KLHL15: variants seen among roughly 807,000 people sequenced by gnomAD.
KLHL15 encodes the protein kelch-like protein 15.
Under a neutral mutation model 29.3 loss-of-function variants are expected in KLHL15, and 1 was observed. The ratio of observed to expected loss-of-function variants is 0.03; its 90% CI spans 0.01 to 0.16. KLHL15 has a LOEUF of 0.16. Among genes scored for constraint, KLHL15 ranks in the 10% least tolerant of loss-of-function variants. KLHL15 has a pLI of 1.00. For missense variants in KLHL15, 215 were observed against 478.5 expected, an observed-to-expected ratio of 0.45 and a Z score of 5.14; for synonymous variants, 212 against 184.5, an observed-to-expected ratio of 1.15 and a Z score of -1.21.
intron 3 of KLHL15, among the ~76,000 whole-genome samples, chrX:23,991,070 T>C (rs1929073523): frequency 9.1e-6 from 1 of 109,707 alleles, no homozygotes; most frequent in Non-Finnish European, 1.9e-5. Context: ...AAACTAACAT[T>C]GGCCAGGCAC....
chrX:24,019,625 AGT>A (rs1370611604), intron 2 of KLHL15, among the ~76,000 whole-genome samples: 3 of 107,374 alleles, frequency 2.8e-5, no homozygotes, highest in African/African-American at 7.1e-5. Context: ...AACAACTGAA[AGT>A]GTAAGAGATA....
intron 2 of KLHL15, among the ~76,000 whole-genome samples, chrX:24,008,874 A>AAC (rs1929510563): frequency 9.8e-6 from 1 of 102,265 alleles, no homozygotes; most frequent in South Asian, 4.8e-4. Context: ...CGTGTTAGAA[A>AAC]AAAAAAAAAC....
At chrX:24,000,846 C>G (rs1929299147) in intron 3 of KLHL15, among the ~76,000 whole-genome samples, 1 of 112,410 alleles carries the variant, frequency 8.9e-6, no homozygotes, top group Admixed American at 9.5e-5. Context: ...TTTCATTTAC[C>G]AAATGGGTTG....
chrX:24,001,601 T>G (rs920984106), intron 3 of KLHL15, among the ~76,000 whole-genome samples: 5 of 103,392 alleles, frequency 4.8e-5, no homozygotes, highest in Non-Finnish European at 9.8e-5. Context: ...GTCAGGAGTT[T>G]GAGACCAGCC....
chrX:23,993,426 C>T (rs1929124447), intron 3 of KLHL15, among the ~76,000 whole-genome samples: 1 of 111,482 alleles, frequency 9.0e-6, no homozygotes, highest in Non-Finnish European at 1.9e-5. Flanking sequence ...ACTCAGTTTC[C>T]TGTTGAATTT....
rs1436209980 is a variant in KLHL15, at chrX:23,987,431, A to AT, written c.*489dup. On this transcript the variant is annotated 3_prime_UTR_variant, in exon 4 of 4. Transcript: ENST00000328046. ...AAAGTTAATTTTGTAGAAAATTTAT[A>AT]TTTTTGCATTTTCAGCAAAAAGCCA... 8.9e-6 allele frequency: 1 copy of AT among 112,684 alleles called. No individual in the cohort carries two copies. Among genetic ancestry groups the AT allele is most frequent in the Non-Finnish European group, 1.9e-5 (1 of 53,551 alleles). The allele number at this position is 112,684 out of a possible 1,213,427, so 9.3% of individuals were successfully genotyped here.
At chrX:24,015,109 T>C (rs1929648878) in intron 2 of KLHL15, among the ~76,000 whole-genome samples, 1 of 112,185 alleles carries the variant, frequency 8.9e-6, no homozygotes, top group Non-Finnish European at 1.9e-5. Flanking sequence ...TCTTCCTCTT[T>C]ACTACCTTAG....
At chrX:24,009,981 C>T in intron 2 of KLHL15, among the ~76,000 whole-genome samples, 1 of 50,832 alleles carries the variant, frequency 2.0e-5, no homozygotes, top group Non-Finnish European at 3.5e-5. Flanking sequence ...CAGAGCAAGA[C>T]TCCATCTCAA....
intron 2 of KLHL15, among the ~76,000 whole-genome samples, chrX:24,013,428 A>C (rs182830808): frequency 9.1e-6 from 1 of 110,026 alleles, no homozygotes; most frequent in East Asian, 2.9e-4. Flanking sequence ...AGACTCGGCT[A>C]ATTTTTTTTT....
chrX:24,011,855 A>G (rs1163204140), intron 2 of KLHL15, among the ~76,000 whole-genome samples: 1 of 112,202 alleles, frequency 8.9e-6, no homozygotes, highest in East Asian at 2.8e-4. Context: ...AAAACATTAA[A>G]AACGGTAGAG....
intron 2 of KLHL15, among the ~76,000 whole-genome samples, chrX:24,022,049 T>C (rs368091246): frequency 7.2e-5 from 8 of 111,310 alleles, no homozygotes; most frequent in East Asian, 5.6e-4. Flanking sequence ...GTTAAAAGGC[T>C]GGGCGATGGC....
Position 23,988,149 on chromosome X carries a change from C to A in KLHL15, c.1587G>T (p.Pro529=). 8.3e-7 allele frequency: 1 copy of A among 1,211,479 alleles called. No individual in the cohort carries two copies. Among genetic ancestry groups the A allele is most frequent in the Admixed American group, 2.2e-5 (1 of 46,020 alleles). The stretch of plus-strand genomic sequence containing the variant: ...TCACACCATGGCCACTTCTACCAAT[C>A]GGCATGGATGCCAAGATGGTCCACT... ...TDQWTILASM[P]IGRSGHGVTV... The change falls in exon 4 of 4, where the codon CCG becomes CCT. Residue 529 remains proline (P), a synonymous_variant. Coordinates refer to ENST00000328046, the MANE Select transcript of KLHL15 (RefSeq NM_030624.3).
At chrX:23,999,743 C>T (rs185549602) in intron 3 of KLHL15, among the ~76,000 whole-genome samples, 1 of 112,055 alleles carries the variant, frequency 8.9e-6, no homozygotes, top group African/African-American at 3.2e-5. Context: ...AGATTACAGG[C>T]ACTCTTCAGG....
At chrX:24,005,893 C>A (rs2147104297) in intron 3 of KLHL15, 96 bp downstream of exon 3, 1 of 596,589 alleles carries the variant, frequency 1.7e-6, no homozygotes, top group Admixed American at 3.4e-5. Context: ...TGAAGTTATT[C>A]ATTCTTGGCT....
At position 24,025,052 on chromosome X, in the gene KLHL15, A is replaced by C; in HGVS notation, c.-203T>G. ...AGTGCTCGCCTGCAGCCCCCTCTGG[A>C]TAAGTCCTGGGAAAGAAGACAGCGC... On this transcript the variant is annotated 5_prime_UTR_variant, in exon 2 of 4. Coordinates refer to ENST00000328046, the MANE Select transcript of KLHL15 (RefSeq NM_030624.3). 1 of 297,198 alleles carries C rather than the reference A, an allele frequency of 3.4e-6. No individual in the cohort carries two copies. The highest frequency in any genetic ancestry group is 5.9e-6 in the Non-Finnish European group (1 of 169,776). 24.5% of individuals were successfully genotyped at this position (297,198 alleles called of 1,213,427 possible). A position where few individuals can be genotyped will look rare whatever the true frequency, so the allele number is the denominator to read the frequency against.
At chrX:23,990,162 A>C (rs1929052632) in intron 3 of KLHL15, among the ~76,000 whole-genome samples, 1 of 111,353 alleles carries the variant, frequency 9.0e-6, no homozygotes, top group Admixed American at 9.6e-5. Flanking sequence ...AATAAAAATA[A>C]AGCACTTTTA....
chrX:23,999,980 C>A (rs183031909), intron 3 of KLHL15, among the ~76,000 whole-genome samples: 1 of 112,141 alleles, frequency 8.9e-6, no homozygotes, highest in Non-Finnish European at 1.9e-5. Context: ...AGAAAGTACA[C>A]TTAACCCACT....
intron 2 of KLHL15, among the ~76,000 whole-genome samples, chrX:24,009,913 C>G (rs12687713): frequency 9.8e-6 from 1 of 101,919 alleles, no homozygotes; most frequent in African/African-American, 3.7e-5. Context: ...TCGCTGGAAC[C>G]TGGGAGACGG....
At chrX:23,996,106 C>G (rs753909132) in intron 3 of KLHL15, among the ~76,000 whole-genome samples, 24 of 111,874 alleles carry the variant, frequency 2.1e-4, no homozygotes, top group Non-Finnish European at 4.1e-4. Context: ...AACAAAATAC[C>G]TTTTATTAGT....
Sources: gnomAD v4.1 joint callset for allele counts (sites outside exome capture counted in the v4.1 genomes callset) on GRCh38, gnomAD v4.1.1 for gene constraint, MANE v1.5 for transcripts, NCBI Gene and HGNC (gene_info 2026-07-23, HGNC 2026-07-21) for gene names.